Variants in AGBL4 observed in about 807,000 individuals in gnomAD.
The protein encoded by AGBL4 is AGBL carboxypeptidase 4, also known as cytosolic carboxypeptidase 6.
AGBL4 carries 58 observed loss-of-function variants against 66.4 expected under a neutral mutation model. The observed-to-expected ratio is 0.87, with a 90% CI of 0.71 to 1.09. The LOEUF (loss-of-function observed/expected upper bound fraction) is 1.09. AGBL4 is among the 50% of genes least tolerant of loss of function. The pLI is 0.00. For synonymous variants in AGBL4, 234 were observed against 222.9 expected (o/e 1.05, Z -0.44); for missense variants, 579 against 631.0 (o/e 0.92, Z 0.88).
chr1:48,813,804 C>CCTGTGTAGA (rs1344866880), intron 6 of AGBL4, among the ~76,000 whole-genome samples: 2 of 150,960 alleles, frequency 1.3e-5, no homozygotes, highest in Non-Finnish European at 2.9e-5. Context: ...CTTCTTTGCT[C>CCTGTGTAGA]CTTCTCTTCT....
intron 3 of AGBL4, among the ~76,000 whole-genome samples, chr1:49,337,884 T>G (rs1002865810): frequency 2.0e-5 from 3 of 152,238 alleles, no homozygotes; most frequent in Admixed American, 2.0e-4. Flanking sequence ...TCAACCATTA[T>G]TTAACATTTA....
At chr1:49,314,136 A>C (rs1644994172) in intron 3 of AGBL4, among the ~76,000 whole-genome samples, 1 of 152,178 alleles carries the variant, frequency 6.6e-6, no homozygotes, top group Non-Finnish European at 1.5e-5. Context: ...TGCTTTCCCC[A>C]CTGCTTGTTT....
At chr1:50,002,615 C>T (rs1012787489) in intron 1 of AGBL4, among the ~76,000 whole-genome samples, 27 of 151,796 alleles carry the variant, frequency 1.8e-4, no homozygotes, top group African/African-American at 5.1e-4. Context: ...GTGATCCGCC[C>T]GCCTCGGCCT....
chr1:48,776,613 C>T (rs1570642945), intron 6 of AGBL4: 2 of 1,441,594 alleles, frequency 1.4e-6, no homozygotes, highest in East Asian at 6.0e-5. Context: ...CACCTGCCAG[C>T]GCCAGGATCT....
intron 4 of AGBL4, among the ~76,000 whole-genome samples, chr1:49,207,479 T>TTTC (rs60447517): frequency 3.1e-4 from 44 of 143,538 alleles, no homozygotes; most frequent in East Asian, 2.9e-3. Flanking sequence ...TCTTTCTTTC[T>TTTC]TTTTCTTTCT....
intron 4 of AGBL4, among the ~76,000 whole-genome samples, chr1:49,139,069 C>A (rs1206535232): frequency 1.3e-5 from 2 of 152,030 alleles, no homozygotes; most frequent in Non-Finnish European, 2.9e-5. Context: ...ACAACCAGAT[C>A]TCATGAGAAC....
At chr1:49,991,558 T>A (rs971080721) in intron 1 of AGBL4, among the ~76,000 whole-genome samples, 3 of 152,176 alleles carry the variant, frequency 2.0e-5, no homozygotes, top group African/African-American at 7.2e-5. Context: ...CATACACACT[T>A]TCATCAGTTT....
intron 6 of AGBL4, chr1:48,759,483 G>A (rs1295183894): frequency 1.6e-5 from 18 of 1,101,376 alleles, no homozygotes; most frequent in South Asian, 3.4e-5. Context: ...ATGGGGTTCC[G>A]AGTGGGGAAG....
chr1:48,727,871 T>G (rs370421315), intron 6 of AGBL4: 4 of 1,598,282 alleles, frequency 2.5e-6, no homozygotes, highest in Non-Finnish European at 3.4e-6. Context: ...GAAAGCTTTA[T>G]GAAAAATCCA....
chr1:49,373,882 G>A (rs1464135186), intron 3 of AGBL4, among the ~76,000 whole-genome samples: 2 of 152,016 alleles, frequency 1.3e-5, no homozygotes, highest in African/African-American at 2.4e-5. Flanking sequence ...ATGACAAGTG[G>A]CCCGGTATAT....
intron 4 of AGBL4, among the ~76,000 whole-genome samples, chr1:49,115,006 G>A (rs1340991241): frequency 5.9e-5 from 9 of 152,116 alleles, no homozygotes; most frequent in Non-Finnish European, 8.8e-5. Context: ...GAAAAATGAT[G>A]CCAATAGACT....
chr1:49,728,448 C>T (rs1411726739), intron 2 of AGBL4, among the ~76,000 whole-genome samples: 1 of 152,202 alleles, frequency 6.6e-6, no homozygotes. Context: ...TTCAGAACAA[C>T]TTAGCAGCCA....
At chr1:48,717,991 A>G (rs1647080075) in intron 6 of AGBL4, among the ~76,000 whole-genome samples, 1 of 152,242 alleles carries the variant, frequency 6.6e-6, no homozygotes, top group Non-Finnish European at 1.5e-5. Flanking sequence ...GGCTAACTGA[A>G]TAATTTCCTG....
chr1:48,804,375 C>A (rs1005223159), intron 6 of AGBL4, among the ~76,000 whole-genome samples: 1 of 152,220 alleles, frequency 6.6e-6, no homozygotes. Flanking sequence ...TACCTCCCAA[C>A]AATTCTGAGA....
chr1:49,528,668 G>A (rs185625951), intron 3 of AGBL4, among the ~76,000 whole-genome samples: 1 of 152,038 alleles, frequency 6.6e-6, no homozygotes, highest in Non-Finnish European at 1.5e-5. Context: ...GTACCCAAGG[G>A]TTTAGGTGAT....
In AGBL4 at chr1:49,272,402, A is replaced by G. The variant is rs373500502; in HGVS notation, c.283-26538T>C. 3.3e-5 allele frequency among the ~76,000 whole-genome samples: 5 copies of G among 152,192 alleles called. No individual in the cohort carries two copies. In the East Asian group the frequency reaches 9.6e-4, roughly 29 times the overall value. On this transcript the variant is annotated intron_variant, in intron 3 of 13. Coordinates refer to ENST00000371839, the MANE Select transcript of AGBL4 (RefSeq NM_032785.4). ...AGCACAGTGGTCCAATTAAAAAACA[A>G]AGACTAAATTAAAAATTACTTATCT...
At chr1:48,797,437 G>A (rs1179835095) in intron 6 of AGBL4, among the ~76,000 whole-genome samples, 1 of 152,046 alleles carries the variant, frequency 6.6e-6, no homozygotes, top group Non-Finnish European at 1.5e-5. Context: ...CATCCTCATA[G>A]CTTAGCTCCC....
chr1:49,033,112 T>G (rs556988068), intron 5 of AGBL4, among the ~76,000 whole-genome samples: 5 of 152,194 alleles, frequency 3.3e-5, no homozygotes, highest in Middle Eastern at 3.4e-3. Flanking sequence ...TGGAAGACCC[T>G]CAGCTAGATA....
chr1:49,141,851 A>G (rs1395301532), intron 4 of AGBL4, among the ~76,000 whole-genome samples: 5 of 152,310 alleles, frequency 3.3e-5, no homozygotes, highest in Admixed American at 2.6e-4. Flanking sequence ...TGAGGGCTAT[A>G]GAACACTACA....
Sources: allele counts gnomAD v4.1 joint callset (sites outside exome capture counted in the v4.1 genomes callset), GRCh38; gene constraint gnomAD v4.1.1; transcripts MANE v1.5; gene names NCBI Gene and HGNC (gene_info 2026-07-23, HGNC 2026-07-21).